The following AK9 variants were observed in gnomAD, a reference collection of about 807,000 sequenced individuals.
The protein encoded by AK9 is adenylate kinase domain containing 1.
Under a neutral mutation model 239.6 loss-of-function variants are expected in AK9, and 191 were observed. The ratio of observed to expected loss-of-function variants is 0.80; its 90% CI spans 0.71 to 0.90. The LOEUF is 0.90. AK9 is among the 40% of genes least tolerant of loss of function. The probability of loss-of-function intolerance (pLI) is 0.00; values close to 1 mark genes in which losing one functional copy is unlikely to be tolerated. For missense variants in AK9, 1,995 were observed against 2,214.7 expected, an observed-to-expected ratio of 0.90 and a Z score of 1.99; for synonymous variants, 689 against 721.0, an observed-to-expected ratio of 0.96 and a Z score of 0.71.
At chr6:109,622,043 A>C (rs1350837926) in intron 12 of AK9, among the ~76,000 whole-genome samples, 1 of 147,660 alleles carries the variant, frequency 6.8e-6, no homozygotes, top group Non-Finnish European at 1.5e-5. Flanking sequence ...TATATATCAA[A>C]ATATAGATAA....
At chr6:109,579,802 G>C (rs548259783) in intron 19 of AK9, among the ~76,000 whole-genome samples, 176 bp from the exon 20 acceptor site, 1 of 152,158 alleles carries the variant, frequency 6.6e-6, no homozygotes, top group African/African-American at 2.4e-5. Context: ...ATTTTCTTCT[G>C]GGGGAGAAAA....
chr6:109,668,118 T>C (rs1055569081), intron 5 of AK9, among the ~76,000 whole-genome samples: 2 of 152,242 alleles, frequency 1.3e-5, no homozygotes, highest in Non-Finnish European at 2.9e-5. Context: ...TGATATCTCA[T>C]TGTGGTTTTG....
At chr6:109,606,012 T>C (rs754068340) in intron 17 of AK9, among the ~76,000 whole-genome samples, 1 of 152,012 alleles carries the variant, frequency 6.6e-6, no homozygotes, top group Admixed American at 6.6e-5. Context: ...ATGTGGTCTA[T>C]GTCCAGTCTA....
At chr6:109,620,037 G>GT (rs1262060839) in intron 12 of AK9, among the ~76,000 whole-genome samples, 1 of 151,996 alleles carries the variant, frequency 6.6e-6, no homozygotes, top group Non-Finnish European at 1.5e-5. Context: ...ATATACTACA[G>GT]TTTTTTATTC....
intron 28 of AK9, 97 bp from the exon 29 acceptor site, chr6:109,529,170 T>G: frequency 3.7e-6 from 5 of 1,350,222 alleles, no homozygotes; most frequent in Non-Finnish European, 4.9e-6. Flanking sequence ...GAATAACGTT[T>G]GGGCAGAAGC....
At chr6:109,499,817 C>T (rs1777419582) in intron 35 of AK9, among the ~76,000 whole-genome samples, 1 of 152,136 alleles carries the variant, frequency 6.6e-6, no homozygotes, top group African/African-American at 2.4e-5. Context: ...CCAGGTTGGT[C>T]TCGAATTCCT....
chr6:109,638,867 G>A (rs188561440), intron 10 of AK9, among the ~76,000 whole-genome samples: 125 of 152,076 alleles, frequency 8.2e-4, no homozygotes, highest in African/African-American at 2.8e-3. Flanking sequence ...TGTTCTCATT[G>A]TTCAATTCCC....
intron 25 of AK9, among the ~76,000 whole-genome samples, chr6:109,549,102 G>A (rs1783981722): frequency 6.6e-6 from 1 of 152,174 alleles, no homozygotes; most frequent in Non-Finnish European, 1.5e-5. Flanking sequence ...TCACCAAAGT[G>A]TCCCTCTCCA....
rs1260872685 is a variant in AK9 at position 109,682,375 on chromosome 6, C to T, written c.-11-6619G>A. 4.9e-5 allele frequency among the ~76,000 whole-genome samples: 7 copies of T among 143,028 alleles called. No homozygotes were observed. In the East Asian group the frequency reaches 1.2e-3, roughly 25 times the overall value. 93.8% of individuals were successfully genotyped at this position (143,028 alleles called of 152,430 possible). On this transcript the variant is annotated intron_variant, in intron 1 of 40. Coordinates refer to ENST00000424296, the MANE Select transcript of AK9 (RefSeq NM_001145128.3). ...CCGGGAGGCGGAGCTTGCAGTGAGCCGAGATCGGGCCACTGCACTCCAGCC... is the reference window on the plus strand; with the variant it reads ...CCGGGAGGCGGAGCTTGCAGTGAGCTGAGATCGGGCCACTGCACTCCAGCC...
At chr6:109,571,958 T>C (rs1482107662) in intron 21 of AK9, among the ~76,000 whole-genome samples, 1 of 152,172 alleles carries the variant, frequency 6.6e-6, no homozygotes, top group Non-Finnish European at 1.5e-5. Flanking sequence ...AAAATGTAGA[T>C]TCCTAAATTC....
chr6:109,673,653 C>G (rs1771260480), intron 3 of AK9, among the ~76,000 whole-genome samples: 1 of 151,986 alleles, frequency 6.6e-6, no homozygotes, highest in African/African-American at 2.4e-5. Flanking sequence ...CTAAGAAAAG[C>G]TGTGAGAGTT....
At chr6:109,600,588 C>T (rs150208481) in intron 17 of AK9, among the ~76,000 whole-genome samples, 9 of 152,156 alleles carry the variant, frequency 5.9e-5, no homozygotes, top group Non-Finnish European at 8.8e-5. Context: ...TGATGCTGGC[C>T]TCATAAAATG....
intron 29 of AK9, chr6:109,527,800 A>G (rs1363115593): frequency 6.6e-6 from 1 of 152,256 alleles, no homozygotes; most frequent in Non-Finnish European, 1.5e-5. Context: ...ATGAAAAATC[A>G]GAAGAAATCA....
At chr6:109,686,672 C>T (rs1464558743) in intron 1 of AK9, among the ~76,000 whole-genome samples, 1 of 152,196 alleles carries the variant, frequency 6.6e-6, no homozygotes, top group African/African-American at 2.4e-5. Context: ...CAACAGGAGC[C>T]TCTCTCTGTA....
At chr6:109,577,762 T>C (rs1788276696) in intron 20 of AK9, among the ~76,000 whole-genome samples, 1 of 152,150 alleles carries the variant, frequency 6.6e-6, no homozygotes, top group Non-Finnish European at 1.5e-5. Context: ...TTCTAGTTTG[T>C]GTGCATAAAG....
At chr6:109,593,472 C>G (rs1790565976) in intron 17 of AK9, among the ~76,000 whole-genome samples, 1 of 152,226 alleles carries the variant, frequency 6.6e-6, no homozygotes, top group East Asian at 1.9e-4. Context: ...TGAAACTATT[C>G]CAAACGACAG....
chr6:109,607,749 A>T (rs967297077), intron 17 of AK9, among the ~76,000 whole-genome samples: 8 of 149,418 alleles, frequency 5.4e-5, no homozygotes, highest in African/African-American at 2.0e-4. Context: ...ATGCAACCCG[A>T]TCAAAATCCC....
chr6:109,500,742 G>A (rs1386347016), intron 35 of AK9, among the ~76,000 whole-genome samples: 1 of 152,170 alleles, frequency 6.6e-6, no homozygotes, highest in Non-Finnish European at 1.5e-5. Flanking sequence ...ACTCAGCCAG[G>A]TGTGGTGGCT....
chr6:109,552,136 G>A (rs1784443336), intron 24 of AK9, among the ~76,000 whole-genome samples: 1 of 152,060 alleles, frequency 6.6e-6, no homozygotes, highest in African/African-American at 2.4e-5. Context: ...ATGGGCATTT[G>A]GGTTGGTTCC....
Sources: allele counts gnomAD v4.1 joint callset (sites outside exome capture counted in the v4.1 genomes callset), GRCh38; gene constraint gnomAD v4.1.1; transcripts MANE v1.5; gene names NCBI Gene and HGNC (gene_info 2026-07-23, HGNC 2026-07-21).